Variants in PCGF5 observed in about 807,000 individuals in gnomAD.
PCGF5 encodes the protein polycomb group ring finger 5, also known as polycomb group RING finger protein 5.
Under a neutral mutation model 44.3 loss-of-function variants are expected in PCGF5, and 9 were observed. The observed-to-expected ratio is 0.20, with a 90% CI of 0.12 to 0.35. The LOEUF is 0.35. PCGF5 is among the 10% of genes least tolerant of loss of function. PCGF5 has a pLI of 1.00. For missense variants in PCGF5, 146 were observed against 305.3 expected, an observed-to-expected ratio of 0.48 and a Z score of 3.89; for synonymous variants, 95 against 102.5, an observed-to-expected ratio of 0.93 and a Z score of 0.44.
intron 2 of PCGF5, among the ~76,000 whole-genome samples, chr10:91,239,001 G>C (rs1269609432): frequency 6.6e-6 from 1 of 152,022 alleles, no homozygotes; most frequent in East Asian, 1.9e-4. Flanking sequence ...ATGGGATTCA[G>C]GTACATTCAT....
intron 1 of PCGF5, among the ~76,000 whole-genome samples, chr10:91,168,404 A>G (rs1458476445): frequency 6.6e-6 from 1 of 152,164 alleles, no homozygotes; most frequent in Non-Finnish European, 1.5e-5. Context: ...GAAGACTGGG[A>G]AAAGGACATT....
chr10:91,226,289 TAAAAAAAAAAAA>T (rs66465569), intron 2 of PCGF5, among the ~76,000 whole-genome samples: 1 of 75,142 alleles, frequency 1.3e-5, no homozygotes, highest in Non-Finnish European at 2.4e-5. Flanking sequence ...TTAAGAAATG[TAAAAAAAAAAAA>T]AAAAAAAAAA....
At chr10:91,255,903 T>C (rs1037519544) in intron 6 of PCGF5, among the ~76,000 whole-genome samples, 2 of 152,100 alleles carry the variant, frequency 1.3e-5, no homozygotes, top group African/African-American at 4.8e-5. Context: ...ACCTGCTATA[T>C]ACTTTAAATC....
At chr10:91,209,887 A>G (rs1844417250) in intron 1 of PCGF5, among the ~76,000 whole-genome samples, 1 of 152,224 alleles carries the variant, frequency 6.6e-6, no homozygotes, top group Non-Finnish European at 1.5e-5. Flanking sequence ...GAATGAATGA[A>G]TGAATGTGGA....
At chr10:91,197,539 T>A (rs947276252) in intron 1 of PCGF5, among the ~76,000 whole-genome samples, 1 of 152,124 alleles carries the variant, frequency 6.6e-6, no homozygotes, top group Non-Finnish European at 1.5e-5. Context: ...GGTAGCCCTT[T>A]TGTACAGTGA....
intron 1 of PCGF5, among the ~76,000 whole-genome samples, chr10:91,166,890 G>C (rs1431834313): frequency 6.6e-6 from 1 of 152,166 alleles, no homozygotes; most frequent in Non-Finnish European, 1.5e-5. Context: ...AATGGTAACT[G>C]CTATAGTTAT....
intron 1 of PCGF5, among the ~76,000 whole-genome samples, chr10:91,163,276 C>T (rs895654513): frequency 6.6e-6 from 1 of 150,614 alleles, no homozygotes; most frequent in African/African-American, 2.4e-5. Flanking sequence ...CGGTGGGCGG[C>T]GCGGCCGGGC....
At chr10:91,165,993 A>G (rs1843493472) in intron 1 of PCGF5, among the ~76,000 whole-genome samples, 1 of 152,256 alleles carries the variant, frequency 6.6e-6, no homozygotes, top group African/African-American at 2.4e-5. Context: ...TTGCAGAAGC[A>G]TAATCTCAAG....
At chr10:91,251,227 A>G (rs1845615856) in intron 5 of PCGF5, 65 bp from the exon 6 acceptor site, 5 of 1,350,222 alleles carry the variant, frequency 3.7e-6, no homozygotes, top group Non-Finnish European at 5.1e-6. Context: ...TTATCAATGT[A>G]TGATTGCTTA....
At chr10:91,250,344 GT>G (rs1845593506) in intron 5 of PCGF5, among the ~76,000 whole-genome samples, 1 of 151,918 alleles carries the variant, frequency 6.6e-6, no homozygotes, top group Non-Finnish European at 1.5e-5. Flanking sequence ...TACAAGTAAT[GT>G]TTAGCTGGCT....
chr10:91,249,509 C>G (rs913159611), intron 5 of PCGF5, among the ~76,000 whole-genome samples: 21 of 149,582 alleles, frequency 1.4e-4, no homozygotes, highest in African/African-American at 4.9e-4. Context: ...TTAGGATGTC[C>G]TAAATATCAT....
intron 1 of PCGF5, among the ~76,000 whole-genome samples, chr10:91,214,889 C>G (rs1048360648): frequency 2.0e-5 from 3 of 152,200 alleles, no homozygotes; most frequent in Non-Finnish European, 4.4e-5. Flanking sequence ...ATTTTAAAAT[C>G]AATTTATGCT....
chr10:91,233,618 G>GA, intron 2 of PCGF5, among the ~76,000 whole-genome samples: 1 of 152,186 alleles, frequency 6.6e-6, no homozygotes. Context: ...GCATGGAAGC[G>GA]AATTACAGCT....
chr10:91,213,286 T>C (rs1224169866), intron 1 of PCGF5, among the ~76,000 whole-genome samples: 2 of 152,228 alleles, frequency 1.3e-5, no homozygotes, highest in African/African-American at 4.8e-5. Context: ...CATCTATTTC[T>C]TAGTCTGTGC....
intron 2 of PCGF5, among the ~76,000 whole-genome samples, chr10:91,239,967 A>T (rs1285076273): frequency 6.6e-6 from 1 of 152,146 alleles, no homozygotes. Context: ...ATGAGCAGAA[A>T]CTCATTACAC....
chr10:91,216,130 T>C (rs567634077), upstream of PCGF5, among the ~76,000 whole-genome samples: 17 of 152,332 alleles, frequency 1.1e-4, no homozygotes, highest in East Asian at 3.1e-3. Flanking sequence ...TAGTGGGAGA[T>C]CCAGATGAGT....
chr10:91,168,584 T>A (rs1340553736), intron 1 of PCGF5, among the ~76,000 whole-genome samples: 1 of 151,952 alleles, frequency 6.6e-6, no homozygotes, highest in African/African-American at 2.4e-5. Flanking sequence ...AGACTAGGGA[T>A]AGGGAGAAGG....
chr10:91,195,372 C>G (rs3858285), intron 1 of PCGF5, among the ~76,000 whole-genome samples: 49,096 of 151,196 alleles, frequency 0.32, 10,019 homozygotes, highest in East Asian at 0.68. Context: ...TATCCATTGT[C>G]TAGACTCCTA....
intron 6 of PCGF5, among the ~76,000 whole-genome samples, chr10:91,257,484 A>G (rs1845785410): frequency 6.8e-6 from 1 of 146,986 alleles, no homozygotes; most frequent in African/African-American, 2.7e-5. Context: ...CATATGTTCC[A>G]AGACCCCCAG....
Sources: allele counts gnomAD v4.1 joint callset (sites outside exome capture counted in the v4.1 genomes callset), GRCh38; gene constraint gnomAD v4.1.1; transcripts MANE v1.5; gene names NCBI Gene and HGNC (gene_info 2026-07-23, HGNC 2026-07-21).